Variants in ITPR2 observed in about 807,000 individuals in gnomAD.
The protein encoded by ITPR2 is inositol 1,4,5-trisphosphate-gated calcium channel ITPR2.
ITPR2 carries 207 observed loss-of-function variants against 317.1 expected under a neutral mutation model. The ratio of observed to expected loss-of-function variants is 0.65; its 90% CI spans 0.58 to 0.73. The LOEUF is 0.73. Ranked by LOEUF, ITPR2 falls within the 30% of genes least tolerant of loss-of-function variation. The pLI is 0.00. For synonymous variants in ITPR2, 1,156 were observed against 1,149.1 expected (o/e 1.01, Z -0.12); for missense variants, 2,613 against 3,284.0 (o/e 0.80, Z 4.99).
At chr12:26,553,908 G>A (rs961329745) in intron 36 of ITPR2, among the ~76,000 whole-genome samples, 1 of 152,196 alleles carries the variant, frequency 6.6e-6, no homozygotes, top group Non-Finnish European at 1.5e-5. Context: ...CAGTAAGGCA[G>A]AAAACAGACA....
chr12:26,742,224 T>C (rs1482736735), intron 2 of ITPR2, among the ~76,000 whole-genome samples: 2 of 152,214 alleles, frequency 1.3e-5, no homozygotes, highest in Admixed American at 6.5e-5. Flanking sequence ...GCCCATTGAT[T>C]GGATAAGCGA....
At chr12:26,705,375 T>C (rs2137010130) in intron 9 of ITPR2, among the ~76,000 whole-genome samples, 1 of 152,344 alleles carries the variant, frequency 6.6e-6, no homozygotes, top group Admixed American at 6.5e-5. Context: ...CTCTCCTTCC[T>C]TGCTTGGTAT....
chr12:26,750,491 C>G (rs73294397), intron 2 of ITPR2, among the ~76,000 whole-genome samples: 244 of 152,310 alleles, frequency 1.6e-3, no homozygotes, highest in African/African-American at 5.5e-3. Flanking sequence ...ATCTGCCCCC[C>G]AAACAGGTCG....
chr12:26,552,828 C>T (rs1245713749), intron 36 of ITPR2, among the ~76,000 whole-genome samples: 1 of 152,052 alleles, frequency 6.6e-6, no homozygotes, highest in Non-Finnish European at 1.5e-5. Flanking sequence ...GTTTTTCGCT[C>T]TCTCAGGCTA....
chr12:26,548,220 C>A (rs565533325), intron 37 of ITPR2, among the ~76,000 whole-genome samples: 1 of 152,268 alleles, frequency 6.6e-6, no homozygotes, highest in South Asian at 2.1e-4. Flanking sequence ...CAAAGATAGC[C>A]GGTGGCATTG....
At chr12:26,528,579 T>G (rs1943866569) in intron 37 of ITPR2, among the ~76,000 whole-genome samples, 1 of 152,230 alleles carries the variant, frequency 6.6e-6, no homozygotes, top group Admixed American at 6.5e-5. Context: ...AAATGTTGAT[T>G]ACATCTTATG....
At chr12:26,676,895 T>C (rs1592027541) in intron 13 of ITPR2, among the ~76,000 whole-genome samples, 1 of 152,142 alleles carries the variant, frequency 6.6e-6, no homozygotes, top group African/African-American at 2.4e-5. Context: ...TTTATCAAAT[T>C]AAAATTTTAC....
At chr12:26,463,516 T>C (rs1942093463) in intron 45 of ITPR2, among the ~76,000 whole-genome samples, 1 of 151,858 alleles carries the variant, frequency 6.6e-6, no homozygotes, top group Non-Finnish European at 1.5e-5. Context: ...AAACACAAAA[T>C]TAGCCGGTCG....
At chr12:26,615,885 A>T (rs1946362395) in intron 26 of ITPR2, among the ~76,000 whole-genome samples, 1 of 152,100 alleles carries the variant, frequency 6.6e-6, no homozygotes, top group Non-Finnish European at 1.5e-5. Flanking sequence ...TATAGTATTT[A>T]AACAGAATTA....
At chr12:26,685,178 G>C (rs1189546452) in intron 11 of ITPR2, among the ~76,000 whole-genome samples, 1 of 152,076 alleles carries the variant, frequency 6.6e-6, no homozygotes, top group Admixed American at 6.6e-5. Context: ...CTCCATCAAG[G>C]CCAATTTAGA....
chr12:26,676,757 A>T (rs189540972), intron 13 of ITPR2, among the ~76,000 whole-genome samples: 41 of 150,486 alleles, frequency 2.7e-4, no homozygotes, highest in Admixed American at 5.3e-4. Flanking sequence ...AAATAAGATT[A>T]AAAAAATAAA....
chr12:26,680,545 G>T (rs1948009154), intron 13 of ITPR2, among the ~76,000 whole-genome samples: 1 of 152,002 alleles, frequency 6.6e-6, no homozygotes, highest in African/African-American at 2.4e-5. Context: ...GGTGCTCTTT[G>T]TTACTCAGAA....
At chr12:26,446,365 T>A (rs1941609579) in intron 45 of ITPR2, among the ~76,000 whole-genome samples, 1 of 151,998 alleles carries the variant, frequency 6.6e-6, no homozygotes. Flanking sequence ...TTGGGTAAGG[T>A]CAACAACACA....
chr12:26,621,341 A>G, intron 25 of ITPR2, 45 bp from the exon 26 acceptor site: 1 of 1,449,442 alleles, frequency 6.9e-7, no homozygotes, highest in Non-Finnish European at 9.5e-7. Flanking sequence ...CACTATTTCT[A>G]GAATATTTAT....
intron 1 of ITPR2, among the ~76,000 whole-genome samples, chr12:26,822,847 A>T (rs1950958734): frequency 6.6e-6 from 1 of 152,208 alleles, no homozygotes; most frequent in African/African-American, 2.4e-5. Flanking sequence ...TATGGAAAAT[A>T]AGCATAAAAT....
At chr12:26,767,665 T>C (rs950802419) in intron 2 of ITPR2, among the ~76,000 whole-genome samples, 36 of 152,260 alleles carry the variant, frequency 2.4e-4, no homozygotes, top group Non-Finnish European at 7.3e-5. Context: ...AAACGTATTA[T>C]ATACACAGTT....
intron 55 of ITPR2, among the ~76,000 whole-genome samples, chr12:26,383,914 AAT>A (rs1338845582): frequency 6.9e-6 from 1 of 144,076 alleles, no homozygotes; most frequent in Non-Finnish European, 1.6e-5. Context: ...TTTGTGAACT[AAT>A]ATGAGGAAGG....
intron 45 of ITPR2, among the ~76,000 whole-genome samples, chr12:26,455,895 T>C (rs567254017): frequency 6.6e-6 from 1 of 152,334 alleles, no homozygotes; most frequent in African/African-American, 2.4e-5. Flanking sequence ...ATGTTATTAA[T>C]AGTTTCAGAT....
At chr12:26,653,207 C>T (rs556070089) in intron 21 of ITPR2, among the ~76,000 whole-genome samples, 27 of 150,146 alleles carry the variant, frequency 1.8e-4, no homozygotes, top group Non-Finnish European at 2.5e-4. Flanking sequence ...CCTTCTCTGG[C>T]GTGATACTTT....
Sources: allele counts gnomAD v4.1 joint callset (sites outside exome capture counted in the v4.1 genomes callset), GRCh38; gene constraint gnomAD v4.1.1; transcripts MANE v1.5; gene names NCBI Gene and HGNC (gene_info 2026-07-23, HGNC 2026-07-21).